The following TTLL5 variants were observed in gnomAD, a reference collection of about 807,000 sequenced individuals.
TTLL5 encodes tubulin tyrosine ligase like 5.
In TTLL5, 132 loss-of-function variants were observed where a neutral mutation model predicts 168.4. The ratio of observed to expected loss-of-function variants is 0.78; its 90% CI spans 0.68 to 0.91. The LOEUF is 0.91. Among genes scored for constraint, TTLL5 ranks in the 40% least tolerant of loss-of-function variants. TTLL5 has a pLI of 0.00. For missense variants in TTLL5, 1,545 were observed against 1,581.5 expected (o/e 0.98, Z 0.39); for synonymous variants, 546 against 558.6 (o/e 0.98, Z 0.32).
At chr14:75,949,850 CAA>C (rs918178259) in intron 31 of TTLL5, among the ~76,000 whole-genome samples, 5 of 120,628 alleles carry the variant, frequency 4.1e-5, no homozygotes, top group African/African-American at 1.6e-4. Context: ...ACTCTGTCTC[CAA>C]AAAAAAAGAA....
At chr14:75,857,341 C>T (rs1897180591) in intron 28 of TTLL5, among the ~76,000 whole-genome samples, 1 of 151,554 alleles carries the variant, frequency 6.6e-6, no homozygotes, top group Non-Finnish European at 1.5e-5. Flanking sequence ...TGCCACTTGG[C>T]CATGATATAT....
At chr14:75,801,097 C>T (rs1197594588) in intron 27 of TTLL5, among the ~76,000 whole-genome samples, 7 of 152,100 alleles carry the variant, frequency 4.6e-5, no homozygotes, top group South Asian at 2.1e-4. Context: ...CAAGATATTA[C>T]GTCTTTTTTC....
rs1236868525 is a variant in TTLL5, at chr14:75,771,857, A to G, written c.2136+3A>G. 6.2e-7 allele frequency: 1 copy of G among 1,607,622 alleles called. No homozygotes were observed. On this transcript the variant is annotated splice_donor_region_variant and intron_variant, in intron 21 of 31. Transcript: ENST00000298832. Reference sequence around the variant, plus strand: ...CTGCCAAAGAGGATGAACAGATGGTAAGGCTTTTCTTACTGAAACCTTTTT... The same window carrying G: ...CTGCCAAAGAGGATGAACAGATGGTGAGGCTTTTCTTACTGAAACCTTTTT...
chr14:75,771,170 T>G (rs1375447301), intron 20 of TTLL5, among the ~76,000 whole-genome samples: 1 of 152,218 alleles, frequency 6.6e-6, no homozygotes, highest in African/African-American at 2.4e-5. Context: ...GGCCTATATG[T>G]AATCCCAGCA....
chr14:75,813,885 C>A (rs1351805885), intron 27 of TTLL5, among the ~76,000 whole-genome samples: 2 of 151,764 alleles, frequency 1.3e-5, no homozygotes, highest in African/African-American at 4.8e-5. Context: ...TTCCAGACCC[C>A]TTTGTGACCA....
At chr14:75,846,547 T>C (rs1440574018) in intron 28 of TTLL5, among the ~76,000 whole-genome samples, 4 of 152,106 alleles carry the variant, frequency 2.6e-5, no homozygotes, top group Non-Finnish European at 5.9e-5. Context: ...TCCTAGCACT[T>C]TGGGAGGCCG....
intron 28 of TTLL5, among the ~76,000 whole-genome samples, chr14:75,836,039 G>C (rs1895847767): frequency 6.6e-6 from 1 of 152,166 alleles, no homozygotes; most frequent in Non-Finnish European, 1.5e-5. Context: ...CCCACTCCTA[G>C]GTATCTGCCC....
intron 22 of TTLL5, among the ~76,000 whole-genome samples, chr14:75,776,246 G>A (rs1891718645): frequency 6.6e-6 from 1 of 152,178 alleles, no homozygotes; most frequent in Non-Finnish European, 1.5e-5. Flanking sequence ...ATTGTTGGTA[G>A]AATATCAGTG....
chr14:75,863,988 T>G (rs1170065929), intron 29 of TTLL5, 126 bp downstream of exon 29: 16 of 1,008,368 alleles, frequency 1.6e-5, no homozygotes, highest in South Asian at 8.0e-5. Context: ...CCATCCTGGC[T>G]TGGACAGCTC....
At chr14:75,816,128 G>A (rs1291247212) in intron 27 of TTLL5, among the ~76,000 whole-genome samples, 1 of 152,162 alleles carries the variant, frequency 6.6e-6, no homozygotes, top group East Asian at 1.9e-4. Context: ...GTTACAAAGG[G>A]ATTGCTTGGG....
chr14:75,785,582 C>T (rs1479947185), intron 26 of TTLL5, among the ~76,000 whole-genome samples: 1 of 152,190 alleles, frequency 6.6e-6, no homozygotes, highest in Non-Finnish European at 1.5e-5. Context: ...CATTCTTCTG[C>T]ATGTGGATAT....
At chr14:75,764,591 G>A in intron 18 of TTLL5, 24 bp from the exon 19 acceptor site, 1 of 1,612,940 alleles carries the variant, frequency 6.2e-7, no homozygotes, top group Non-Finnish European at 8.5e-7. Flanking sequence ...GAAGGCCATA[G>A]CTACCATGTT....
At chr14:75,739,739 A>C (rs942789158) in intron 15 of TTLL5, among the ~76,000 whole-genome samples, 10 of 152,176 alleles carry the variant, frequency 6.6e-5, no homozygotes, top group Non-Finnish European at 1.3e-4. Flanking sequence ...TCATATGGGG[A>C]TAATAATATA....
At chr14:75,931,489 A>G (rs959430685) in intron 31 of TTLL5, among the ~76,000 whole-genome samples, 7 of 152,218 alleles carry the variant, frequency 4.6e-5, no homozygotes, top group Non-Finnish European at 1.5e-5. Flanking sequence ...ATTCAAACAC[A>G]TAACACTTTC....
chr14:75,872,785 C>T (rs905645588), intron 29 of TTLL5, among the ~76,000 whole-genome samples: 1 of 151,706 alleles, frequency 6.6e-6, no homozygotes, highest in African/African-American at 2.4e-5. Context: ...GTTGCGCATG[C>T]CTGTAATCCC....
chr14:75,743,179 C>T (rs981147969), intron 15 of TTLL5, among the ~76,000 whole-genome samples: 6 of 152,188 alleles, frequency 3.9e-5, no homozygotes, highest in Non-Finnish European at 7.3e-5. Flanking sequence ...TTGATTTCAT[C>T]GTTTTCTTGA....
At chr14:75,754,111 T>G (rs1890109220) in intron 18 of TTLL5, among the ~76,000 whole-genome samples, 1 of 152,196 alleles carries the variant, frequency 6.6e-6, no homozygotes, top group African/African-American at 2.4e-5. Flanking sequence ...TAAATTAATC[T>G]TCAACCATAT....
chr14:75,675,392 T>C (rs1328353113), intron 3 of TTLL5, among the ~76,000 whole-genome samples: 1 of 152,220 alleles, frequency 6.6e-6, no homozygotes, highest in African/African-American at 2.4e-5. Flanking sequence ...TACTTCTCTG[T>C]GTTGACAGTT....
intron 27 of TTLL5, among the ~76,000 whole-genome samples, chr14:75,806,831 A>T (rs1446930369): frequency 6.6e-6 from 1 of 152,128 alleles, no homozygotes; most frequent in Non-Finnish European, 1.5e-5. Context: ...TTTTTTCACC[A>T]GTTTTTTCCC....
Sources: gnomAD v4.1 joint callset for allele counts (sites outside exome capture counted in the v4.1 genomes callset) on GRCh38, gnomAD v4.1.1 for gene constraint, MANE v1.5 for transcripts, NCBI Gene and HGNC (gene_info 2026-07-23, HGNC 2026-07-21) for gene names.